KRT27: variants seen among roughly 807,000 people sequenced by gnomAD.
KRT27 encodes the protein keratin, type I cytoskeletal 27.
KRT27 carries 30 observed loss-of-function variants against 45.3 expected under a neutral mutation model. That is an observed-to-expected ratio of 0.66 (90% CI 0.50 to 0.90). The LOEUF is 0.90. Ranked by LOEUF, KRT27 falls within the 40% of genes least tolerant of loss-of-function variation. The probability of loss-of-function intolerance (pLI) is 0.00; values close to 1 mark genes in which losing one functional copy is unlikely to be tolerated. For missense variants in KRT27, 610 were observed against 564.3 expected, an observed-to-expected ratio of 1.08 and a Z score of -0.82; for synonymous variants, 204 against 223.9, an observed-to-expected ratio of 0.91 and a Z score of 0.79.
At position 40,777,338 on chromosome 17, in the gene KRT27, G is replaced by A. The variant is rs772959140; in HGVS notation, c.1191-36C>T. The stretch of plus-strand genomic sequence containing the variant: ...ATAGAGCGCTTATATTAATTATTCT[G>A]TTTTACTGAGGAAACTGAAAAATAA... On this transcript the variant is annotated intron_variant, in intron 6 of 7. Transcript: ENST00000301656. 18 of 1,586,038 alleles carry A rather than the reference G, an allele frequency of 1.1e-5. No homozygotes were observed. The South Asian group carries it at 2.1e-4, about 18-fold the overall frequency.
In KRT27 at chr17:40,781,279, T is replaced by A; in HGVS notation, c.445-9A>T. On this transcript the variant is annotated splice_polypyrimidine_tract_variant and intron_variant, in intron 1 of 7. Transcript: ENST00000301656. ...GTAGTTGCAGAAATTATCTGACAAA[T>A]GAAAAGTTAGTTAAGATTGAGGAAA... is the stretch of plus-strand genomic sequence containing the variant. 6.4e-7 allele frequency: 1 copy of A among 1,557,804 alleles called. No homozygotes were observed. Among genetic ancestry groups the A allele is most frequent in the Non-Finnish European group, 8.8e-7 (1 of 1,132,956 alleles).
Position 40,782,236 on chromosome 17 carries a change from C to T in KRT27, c.258G>A (p.Val86=). 1 of 1,614,238 alleles carries T rather than the reference C, an allele frequency of 6.2e-7. No homozygotes were observed. Among genetic ancestry groups the T allele is most frequent in the South Asian group, 1.1e-5 (1 of 91,078 alleles). ...EHGLLSGNEK[V]TMQNLNDRLA... ...AGCGGTCGTTGAGGTTCTGCATGGTCACCTTCTCATTGCCAGAGAGGAGGC... is the reference window on the plus strand; with the variant it reads ...AGCGGTCGTTGAGGTTCTGCATGGTTACCTTCTCATTGCCAGAGAGGAGGC... The change falls in exon 1 of 8, where the codon GTG becomes GTA. Residue 86 remains valine (V), a synonymous_variant. Transcript: ENST00000301656.
chr17:40,777,167 A>T (rs1469543687), intron 7 of KRT27, 29 bp from the exon 8 acceptor site: 11 of 1,611,312 alleles, frequency 6.8e-6, no homozygotes. Flanking sequence ...ACTGTTTAGA[A>T]TTTATCAAAT....
rs1415681744 is a variant in KRT27 at position 40,782,483 on chromosome 17, C to T, written c.11G>A (p.Arg4His). The stretch of plus-strand genomic sequence containing the variant: ...AAGTCTCCTGGAGGTAGAAGAAAAG[C>T]GCACAGACATGGTGTCCGGAGGCTG... MSV[R>H]FSSTSRRLGS... is the part of the protein sequence containing the mutation. The change falls in exon 1 of 8, where the codon CGC (arginine) becomes CAC (histidine). Residue 4 changes from arginine to histidine, a missense_variant. Arg to His is a conservative substitution (Grantham distance 29). Coordinates refer to ENST00000301656, the MANE Select transcript of KRT27 (RefSeq NM_181537.4). 8.3e-6 allele frequency: 13 copies of T among 1,571,716 alleles called. No homozygotes were observed. Among genetic ancestry groups the T allele is most frequent in the South Asian group, 3.5e-5 (3 of 85,504 alleles).
chr17:40,778,772 G>A (rs1222141664), intron 5 of KRT27, among the ~76,000 whole-genome samples: 2 of 152,254 alleles, frequency 1.3e-5, no homozygotes, highest in African/African-American at 2.4e-5. Context: ...GTGGCCAAAA[G>A]GAATGCTAGA....
chr17:40,782,087 C>G lies in KRT27; in HGVS notation c.407G>C (p.Ser136Thr), dbSNP rs1451127987. 1 of 1,613,354 alleles carries G rather than the reference C, an allele frequency of 6.2e-7. No individual in the cohort carries two copies. Residue 136 changes from serine (S) to threonine (T), a missense_variant, in exon 1 of 8, where the codon AGC becomes ACC. Physicochemically the swap from Ser to Thr is moderately conservative, Grantham distance 58. Transcript: ENST00000301656. Reference sequence around the variant, plus strand: ...TTCGTCAATAATTGGGAAATATCTGCTGTAATCATGATCAAGGCCACGGCA... The same window carrying G: ...TTCGTCAATAATTGGGAAATATCTGGTGTAATCATGATCAAGGCCACGGCA... ...GSCRGLDHDY[S>T]RYFPIIDELK... is the part of the protein sequence containing the mutation.
intron 5 of KRT27, 63 bp from the exon 6 acceptor site, chr17:40,777,795 A>T: frequency 6.8e-7 from 1 of 1,478,102 alleles, no homozygotes; most frequent in Non-Finnish European, 9.4e-7. Context: ...AAGCCAAAGC[A>T]TTTAAGAGAT....
At chr17:40,779,301 C>G (rs1195499698) in intron 5 of KRT27, among the ~76,000 whole-genome samples, 1 of 152,136 alleles carries the variant, frequency 6.6e-6, no homozygotes, top group Non-Finnish European at 1.5e-5. Flanking sequence ...TTGCTAATTT[C>G]TAATATTTCA....
At chr17:40,779,943 C>T in intron 3 of KRT27, 82 bp from the exon 4 acceptor site, 1 of 1,453,200 alleles carries the variant, frequency 6.9e-7, no homozygotes, top group Non-Finnish European at 9.2e-7. Flanking sequence ...GCTCTGATGC[C>T]TAGGCTGAAA....
chr17:40,777,883 G>T, intron 5 of KRT27, 151 bp from the exon 6 acceptor site: 2 of 801,974 alleles, frequency 2.5e-6, no homozygotes, highest in Non-Finnish European at 3.8e-6. Context: ...ATTAATTGTT[G>T]CCTTTATTAA....
chr17:40,780,195 G>T, intron 3 of KRT27, 105 bp downstream of exon 3: 2 of 1,141,972 alleles, frequency 1.8e-6, no homozygotes, highest in Non-Finnish European at 1.2e-6. Context: ...AAACTGACAG[G>T]TTCCTTCTTG....
chr17:40,777,780 A>G, intron 5 of KRT27, 48 bp from the exon 6 acceptor site: 1 of 1,569,220 alleles, frequency 6.4e-7, no homozygotes, highest in Non-Finnish European at 8.8e-7. Context: ...ACGGTGTTTT[A>G]GAATAAGCCA....
At position 40,782,103 on chromosome 17, in the gene KRT27, G is replaced by A. The variant is rs957413829; in HGVS notation, c.391C>T (p.Leu131Phe). ...AAATATCTGCTGTAATCATGATCAA[G>A]GCCACGGCAAGAACCAGGTCCAAAT... ...EKFGPGSCRG[L>F]DHDYSRYFPI... is the part of the protein sequence containing the mutation. The change falls in exon 1 of 8, where the codon CTT (leucine) becomes TTT (phenylalanine). Residue 131 changes from leucine (L) to phenylalanine (F), a missense_variant. Leu to Phe is a conservative substitution (Grantham distance 22, BLOSUM62 0). Coordinates refer to ENST00000301656, the MANE Select transcript of KRT27 (RefSeq NM_181537.4). 5.0e-6 allele frequency: 8 copies of A among 1,613,856 alleles called. No individual in the cohort carries two copies. Among genetic ancestry groups the A allele is most frequent in the African/African-American group, 1.3e-5 (1 of 74,924 alleles).
At position 40,779,845 on chromosome 17, in the gene KRT27, T is replaced by G. The variant is rs750436552; in HGVS notation, c.701A>C (p.Gln234Pro). Residue 234 changes from glutamine (Q) to proline (P), a missense_variant, in exon 4 of 8, where the codon CAG becomes CCG. Physicochemically the swap from Gln to Pro is moderately conservative, Grantham distance 76 (BLOSUM62 -1). Transcript: ENST00000301656. ...KNHEEEMKAL[Q>P]CAAGGNVNVE... is the part of the protein sequence containing the mutation. ...GTTCACGTTGCCTCCAGCCGCGCAC[T>G]GAAGAGCTTTCATTTCCTGAAAGAT... The G allele has an allele frequency of 1.2e-5, 19 of 1,604,624 alleles. No homozygotes were observed. The South Asian group carries it at 1.9e-4, about 16-fold the overall frequency.
intron 5 of KRT27, among the ~76,000 whole-genome samples, chr17:40,778,680 T>A (rs544107766): frequency 6.6e-6 from 1 of 152,358 alleles, no homozygotes; most frequent in African/African-American, 2.4e-5. Flanking sequence ...TACACATGTT[T>A]AGTTTTATAG....
At chr17:40,778,813 GCT>G (rs2038285457) in intron 5 of KRT27, among the ~76,000 whole-genome samples, 1 of 151,494 alleles carries the variant, frequency 6.6e-6, no homozygotes, top group Non-Finnish European at 1.5e-5. Context: ...ATGTATTTTT[GCT>G]CTCTTTAAGC....
rs182357439 is a variant in KRT27, at chr17:40,779,922, G to C, written c.685-61C>G. The C allele has an allele frequency of 1.9e-5, 29 of 1,538,304 alleles. No individual in the cohort carries two copies. The African/African-American group carries it at 4.0e-4, about 21-fold the overall frequency. On this transcript the variant is annotated intron_variant, in intron 3 of 7. Coordinates refer to ENST00000301656, the MANE Select transcript of KRT27 (RefSeq NM_181537.4). ...ATATTTTATTTATTGCACTTTTTGA[G>C]TTAGGGTCTCGCTCTGATGCCTAGG...
chr17:40,777,619 G>A lies in KRT27; in HGVS notation c.1086C>T (p.Thr362=), dbSNP rs369986686. 173 of 1,613,904 alleles carry A rather than the reference G, an allele frequency of 1.1e-4. No homozygotes were observed. Among genetic ancestry groups the A allele is most frequent in the South Asian group, 9.7e-4 (88 of 91,070 alleles). Residue 362 remains threonine (T), a synonymous_variant, in exon 6 of 8, where the codon ACC becomes ACT. Coordinates refer to ENST00000301656, the MANE Select transcript of KRT27 (RefSeq NM_181537.4). ...ALEEQLHQVR[T]ETEGQKLEYE... The stretch of plus-strand genomic sequence containing the variant: ...ACTCGAGCTTCTGGCCCTCGGTCTC[G>A]GTTCTGACCTGGTGCAGCTGCTCCT...
rs1223196976 is a variant in KRT27 at position 40,776,970 on chromosome 17, G to C, written c.*29C>G. Reference sequence around the variant, plus strand: ...TAGCTTCATTTTGGTATTTTAATTTGGGGGCCATTCTGTCTCAGAGGCTGG... The same window carrying C: ...TAGCTTCATTTTGGTATTTTAATTTCGGGGCCATTCTGTCTCAGAGGCTGG... On this transcript the variant is annotated 3_prime_UTR_variant, in exon 8 of 8. Transcript: ENST00000301656. 2 of 1,557,496 alleles carry C rather than the reference G, an allele frequency of 1.3e-6. No individual in the cohort carries two copies. The highest frequency in any genetic ancestry group is 1.4e-5 in the African/African-American group (1 of 73,066).
Sources: gnomAD v4.1 joint callset for allele counts (sites outside exome capture counted in the v4.1 genomes callset) on GRCh38, gnomAD v4.1.1 for gene constraint, MANE v1.5 for transcripts, NCBI Gene and HGNC (gene_info 2026-07-23, HGNC 2026-07-21) for gene names.